Variants in IRX4 observed in about 807,000 individuals in gnomAD.
IRX4 encodes iroquois-class homeodomain protein IRX-4.
Under a neutral mutation model 32.0 loss-of-function variants are expected in IRX4, and 22 were observed. The observed-to-expected ratio is 0.69, with a 90% CI of 0.49 to 0.98. IRX4 has a LOEUF of 0.98. Among genes scored for constraint, IRX4 ranks in the 50% least tolerant of loss-of-function variants. The probability of loss-of-function intolerance (pLI) is 0.00; values close to 1 mark genes in which losing one functional copy is unlikely to be tolerated. For synonymous variants in IRX4, 379 were observed against 351.7 expected, an observed-to-expected ratio of 1.08 and a Z score of -0.87; for missense variants, 840 against 744.2, an observed-to-expected ratio of 1.13 and a Z score of -1.50.
chr5:1,880,997 T>A (rs2111443653), intron 2 of IRX4, 163 bp from the exon 3 acceptor site: 1 of 520,426 alleles, frequency 1.9e-6, no homozygotes, highest in Non-Finnish European at 3.5e-6. Flanking sequence ...AAACCTGGTC[T>A]CGCAAACCTG....
At chr5:1,886,273 G>C (rs1158530681), upstream of IRX4, among the ~76,000 whole-genome samples, 1 of 152,376 alleles carries the variant, frequency 6.6e-6, no homozygotes, top group African/African-American at 2.4e-5. Flanking sequence ...TCCGGAGGGA[G>C]CTCCTTCCAG....
In IRX4 at chr5:1,881,837, C is replaced by T. The variant is rs1440752051; in HGVS notation, c.268G>A (p.Gly90Ser). Residue 90 changes from glycine to serine, a missense_variant, in exon 2 of 5, where the codon GGC becomes AGC. Physicochemically the swap from Gly to Ser is moderately conservative, Grantham distance 56. This residue lies in a region of IRX4 where 241 missense variants were observed against 220.8 expected (regional missense o/e 1.09). Transcript: ENST00000231357. The stretch of plus-strand genomic sequence containing the variant: ...GAGTAGAAGGCGGACGCCTCCGAGC[C>T]GTAGGTCACGTAGTTGCCATAGCCC... ...SQGYGNYVTY[G>S]SEASAFYSLN... The T allele has an allele frequency of 6.3e-7, 1 of 1,575,728 alleles. No individual in the cohort carries two copies. Among genetic ancestry groups the T allele is most frequent in the Non-Finnish European group, 8.6e-7 (1 of 1,161,056 alleles).
chr5:1,884,042 G>A (rs62335812), upstream of IRX4: 20,673 of 152,370 alleles, frequency 0.14, 1,465 homozygotes, highest in African/African-American at 0.16. Flanking sequence ...GGACTCCCTC[G>A]GCCAGTACCC....
In IRX4 at chr5:1,880,712, G is replaced by A. The variant is rs748439816; in HGVS notation, c.407+13C>T. On this transcript the variant is annotated intron_variant, in intron 3 of 4. Transcript: ENST00000231357. ...CGTGGGGCTAGTGCTGGTTAGGAGGGGTGGGTCCTCACCTGTCATAGGGGT... is the reference window on the plus strand; with the variant it reads ...CGTGGGGCTAGTGCTGGTTAGGAGGAGTGGGTCCTCACCTGTCATAGGGGT... 3.2e-6 allele frequency: 5 copies of A among 1,574,378 alleles called. No individual in the cohort carries two copies. The South Asian group carries it at 4.4e-5, about 14-fold the overall frequency.
upstream of IRX4, among the ~76,000 whole-genome samples, chr5:1,885,978 A>G (rs1165886715): frequency 1.3e-5 from 2 of 149,968 alleles, no homozygotes; most frequent in East Asian, 3.9e-4. Flanking sequence ...CCCGGAGTAC[A>G]CAGCACCGGC....
chr5:1,882,304 C>T (rs189964706), intron 1 of IRX4, among the ~76,000 whole-genome samples: 3 of 152,310 alleles, frequency 2.0e-5, no homozygotes, highest in African/African-American at 7.2e-5. Flanking sequence ...ACGCCATTTG[C>T]GCGCCAAGCC....
Position 1,878,101 on chromosome 5 carries a change from C to A in IRX4, c.1428G>T (p.Ala476=). The change falls in exon 5 of 5, where the codon GCG becomes GCT. Residue 476 remains alanine, a synonymous_variant. Transcript: ENST00000231357. ...DPGPLGRSLG[A]GANVLTAPLA... ...GGGGTGCAGTCAGCACGTTCGCGCC[C>A]GCCCCCAGCGAGCGTCCCAGAGGCC... 1.3e-6 allele frequency: 2 copies of A among 1,536,204 alleles called. No individual in the cohort carries two copies. Among genetic ancestry groups the A allele is most frequent in the Non-Finnish European group, 1.7e-6 (2 of 1,146,962 alleles).
rs537074327 is a variant in IRX4 at position 1,877,628 on chromosome 5, G to A, written c.*341C>T. On this transcript the variant is annotated 3_prime_UTR_variant, in exon 5 of 5. Coordinates refer to ENST00000231357, the MANE Select transcript of IRX4 (RefSeq NM_016358.3). ...GGCCCAGGAGGCCTCACGCCCAGGG[G>A]ACAGCAGACCACGCTTCAGAACGGA... is the stretch of plus-strand genomic sequence containing the variant. 2.2e-5 allele frequency: 7 copies of A among 320,078 alleles called. No homozygotes were observed. Among genetic ancestry groups the A allele is most frequent in the African/African-American group, 1.1e-4 (5 of 45,422 alleles). The allele number at this position is 320,078 out of a possible 1,614,324, so 19.8% of individuals were successfully genotyped here. A position where few individuals can be genotyped will look rare whatever the true frequency, so the allele number is the denominator to read the frequency against.
chr5:1,878,673 G>C lies in IRX4; in HGVS notation c.856C>G (p.Leu286Val). ...TCGGGCGCGGCGGGGACGCGCTCCA[G>C]ACCGCCGTCCAGGGAGTGGAAGGGC... Reference protein sequence around the residue: ...KPPFHSLDGGLERVPAAPDGP... With the variant: ...KPPFHSLDGGVERVPAAPDGP... Residue 286 changes from leucine to valine, a missense_variant, in exon 5 of 5, where the codon CTG (leucine) becomes GTG (valine). Physicochemically the swap from Leu to Val is conservative, Grantham distance 32. This residue lies in a region of IRX4 where 585 missense variants were observed against 488.0 expected (regional missense o/e 1.20). Transcript: ENST00000231357. The C allele has an allele frequency of 4.4e-6, 7 of 1,589,930 alleles. No individual in the cohort carries two copies. Among genetic ancestry groups the C allele is most frequent in the Non-Finnish European group, 6.0e-6 (7 of 1,168,740 alleles).
At chr5:1,886,691 G>A (rs903644254), upstream of IRX4, among the ~76,000 whole-genome samples, 1 of 152,104 alleles carries the variant, frequency 6.6e-6, no homozygotes, top group Non-Finnish European at 1.5e-5. Flanking sequence ...CTCAGGCCTG[G>A]CCACTCCGAG....
In IRX4 at chr5:1,882,587, G is replaced by GT; in HGVS notation, c.45+15_45+16insA. 6.7e-7 allele frequency: 1 copy of GT among 1,486,418 alleles called. No homozygotes were observed. The highest frequency in any genetic ancestry group is 8.9e-7 in the Non-Finnish European group (1 of 1,122,464). 92.1% of individuals were successfully genotyped at this position (1,486,418 alleles called of 1,614,324 possible). A position where few individuals can be genotyped will look rare whatever the true frequency, so the allele number is the denominator to read the frequency against. ...CGGCACCTGCGGTGGCCTGGGCGGG[G>GT]CGGGGCTCCGCTTACCTGGGGAGCC... On this transcript the variant is annotated intron_variant, in intron 1 of 4. Coordinates refer to ENST00000231357, the MANE Select transcript of IRX4 (RefSeq NM_016358.3).
In IRX4 at chr5:1,879,577, G is replaced by A. The variant is rs372257029; in HGVS notation, c.663C>T (p.Tyr221=). The change falls in exon 4 of 5, where the codon TAC becomes TAT. Residue 221 remains tyrosine, a synonymous_variant. Coordinates refer to ENST00000231357, the MANE Select transcript of IRX4 (RefSeq NM_016358.3). The part of the protein sequence containing the change: ...RNKCADEKRP[Y]AEGEEEEGGE... ...CCCCCTCCTCCTCCTCGCCCTCCGC[G>A]TAGGGCCGCTTCTCGTCTGCGCACT... 2.4e-5 allele frequency: 38 copies of A among 1,613,760 alleles called. No homozygotes were observed. The highest frequency in any genetic ancestry group is 3.3e-4 in the Middle Eastern group (2 of 6,062).
chr5:1,885,706 G>A (rs909191832), upstream of IRX4, among the ~76,000 whole-genome samples: 1 of 152,146 alleles, frequency 6.6e-6, no homozygotes, highest in African/African-American at 2.4e-5. Flanking sequence ...GCCTGGCCTA[G>A]GCCCGCCTGC....
At chr5:1,880,048 A>G in intron 3 of IRX4, 1 of 1,531,366 alleles carries the variant, frequency 6.5e-7, no homozygotes, top group Non-Finnish European at 8.7e-7. Context: ...GGCAAAGATT[A>G]TATTTGACTA....
chr5:1,879,381 G>C (rs1224408457), intron 4 of IRX4, 123 bp downstream of exon 4: 2 of 1,487,904 alleles, frequency 1.3e-6, no homozygotes, highest in East Asian at 4.5e-5. Context: ...GAACCGGTTT[G>C]CACGGTGACC....
In IRX4 at chr5:1,879,612, G is replaced by T. The variant is rs1290119480; in HGVS notation, c.628C>A (p.Pro210Thr). The T allele has an allele frequency of 6.2e-7, 1 of 1,614,046 alleles. No individual in the cohort carries two copies. The highest frequency in any genetic ancestry group is 1.7e-5 in the Admixed American group (1 of 60,030). Residue 210 changes from proline to threonine, a missense_variant, in exon 4 of 5, where the codon CCG (proline) becomes ACG (threonine). This residue lies in a region of IRX4 where 585 missense variants were observed against 488.0 expected (regional missense o/e 1.20). Coordinates refer to ENST00000231357, the MANE Select transcript of IRX4 (RefSeq NM_016358.3). ...TTCTCGTCTGCGCACTTGTTCCGCG[G>T]CGGCCACGTCATCTTGTTCTCCTTC... ...LKKENKMTWP[P>T]RNKCADEKRP...
rs1342519574 is a variant in IRX4 at position 1,881,070 on chromosome 5, CGGG to C, written c.298-239_298-237del. 1.4e-3 allele frequency: 131 copies of C among 94,036 alleles called. 18 individuals are homozygous for C. The highest frequency in any genetic ancestry group is 9.7e-3 in the Middle Eastern group (3 of 308). The allele number at this position is 94,036 out of a possible 1,614,324, so 5.8% of individuals were successfully genotyped here. On this transcript the variant is annotated intron_variant, in intron 2 of 4. Coordinates refer to ENST00000231357, the MANE Select transcript of IRX4 (RefSeq NM_016358.3). ...TGGAGCGCGGGCCGGTGGGGGGGGG[CGGG>C]GGGGAGGAGGTGCAGTGTGGGGAGC...
In IRX4 at chr5:1,882,458, G is replaced by C. The variant is rs374391053; in HGVS notation, c.45+145C>G. The C allele has an allele frequency of 7.2e-5, 51 of 710,964 alleles. 2 individuals are homozygous for C. The highest frequency in any genetic ancestry group is 6.9e-4 in the South Asian group (37 of 53,396). 44.0% of individuals were successfully genotyped at this position (710,964 alleles called of 1,614,324 possible). On this transcript the variant is annotated intron_variant, in intron 1 of 4. Transcript: ENST00000231357. ...TTCCCCGGGGGTTTGGGGAGCAGGG[G>C]TTGGGCGTGAGGGGCGCGCGACCCA...
chr5:1,883,149 C>G (rs1246269915), upstream of IRX4, among the ~76,000 whole-genome samples: 4 of 152,150 alleles, frequency 2.6e-5, no homozygotes, highest in East Asian at 7.7e-4. Context: ...AAATTCCATC[C>G]GAGTCAATAT....
Sources: allele counts gnomAD v4.1 joint callset (sites outside exome capture counted in the v4.1 genomes callset), GRCh38; gene constraint gnomAD v4.1.1; regional missense constraint gnomAD v4.1.1; transcripts MANE v1.5; gene names NCBI Gene and HGNC (gene_info 2026-07-23, HGNC 2026-07-21).